UBAC2: variants seen among roughly 807,000 people sequenced by gnomAD.
The protein encoded by UBAC2 is UBA domain containing 2.
A neutral mutation model predicts 44.0 loss-of-function variants in UBAC2; 26 were observed. The observed-to-expected ratio is 0.59, with a 90% CI of 0.43 to 0.82. The LOEUF (loss-of-function observed/expected upper bound fraction) is 0.82. Among genes scored for constraint, UBAC2 ranks in the 40% least tolerant of loss-of-function variants. The pLI, the probability that UBAC2 is intolerant of heterozygous loss-of-function variation, is 0.00. For missense variants in UBAC2, 329 were observed against 419.4 expected, an observed-to-expected ratio of 0.78 and a Z score of 1.88; for synonymous variants, 155 against 154.3, an observed-to-expected ratio of 1.00 and a Z score of -0.04.
chr13:99,208,674 C>T (rs1301192160), intron 1 of UBAC2, among the ~76,000 whole-genome samples: 1 of 152,212 alleles, frequency 6.6e-6, no homozygotes, highest in East Asian at 1.9e-4. Flanking sequence ...GTGCGTTCGG[C>T]TCCTCTCTGT....
chr13:99,380,721 CTA>C (rs2045539988), intron 8 of UBAC2, among the ~76,000 whole-genome samples: 1 of 152,212 alleles, frequency 6.6e-6, no homozygotes, highest in Non-Finnish European at 1.5e-5. Flanking sequence ...GTTTTGGACA[CTA>C]TGGGAAACCT....
At chr13:99,225,437 A>G (rs113235552) in intron 1 of UBAC2, among the ~76,000 whole-genome samples, 218 of 152,332 alleles carry the variant, frequency 1.4e-3, no homozygotes, top group Non-Finnish European at 2.4e-3. Flanking sequence ...CTTATTTCAC[A>G]TAGCATAATG....
chr13:99,323,702 A>G (rs143087060), intron 6 of UBAC2, among the ~76,000 whole-genome samples: 123 of 152,138 alleles, frequency 8.1e-4, no homozygotes, highest in African/African-American at 2.6e-3. Context: ...TCTCTATGCT[A>G]CCTTTCCCAC....
At chr13:99,277,125 C>T (rs1164654942) in intron 4 of UBAC2, among the ~76,000 whole-genome samples, 2 of 152,092 alleles carry the variant, frequency 1.3e-5, no homozygotes, top group Non-Finnish European at 2.9e-5. Context: ...TACTCTTCAT[C>T]TTTGTGGGCT....
At chr13:99,379,295 T>G (rs1408842518) in intron 8 of UBAC2, among the ~76,000 whole-genome samples, 21 of 152,242 alleles carry the variant, frequency 1.4e-4, no homozygotes. Context: ...AGTTGTGTCT[T>G]TCTGGAGCAA....
At chr13:99,349,106 C>T (rs541777534) in intron 7 of UBAC2, among the ~76,000 whole-genome samples, 1 of 152,348 alleles carries the variant, frequency 6.6e-6, no homozygotes, top group Admixed American at 6.5e-5. Flanking sequence ...GCAGGCTTTG[C>T]AGAGCCTCCT....
At chr13:99,307,086 C>T (rs2044347355) in intron 4 of UBAC2, among the ~76,000 whole-genome samples, 1 of 152,052 alleles carries the variant, frequency 6.6e-6, no homozygotes, top group Non-Finnish European at 1.5e-5. Context: ...TACAGTAGTA[C>T]ATGAAGTGAG....
At chr13:99,268,576 C>G (rs1367445331) in intron 4 of UBAC2, among the ~76,000 whole-genome samples, 1 of 131,314 alleles carries the variant, frequency 7.6e-6, no homozygotes, top group African/African-American at 3.1e-5. Flanking sequence ...TCACTGCACT[C>G]CATTCAGCCT....
intron 7 of UBAC2, among the ~76,000 whole-genome samples, chr13:99,362,164 ATTTG>A (rs1161519726): frequency 5.9e-5 from 9 of 152,172 alleles, no homozygotes; most frequent in Admixed American, 5.2e-4. Flanking sequence ...GTACAACTTT[ATTTG>A]TTCATTAAAC....
intron 1 of UBAC2, among the ~76,000 whole-genome samples, chr13:99,206,208 A>G (rs1182962454): frequency 6.6e-6 from 1 of 152,164 alleles, no homozygotes; most frequent in East Asian, 1.9e-4. Flanking sequence ...GGGGAAAGAA[A>G]TCCAGAGCTG....
chr13:99,309,873 A>G (rs1169397635), intron 4 of UBAC2, among the ~76,000 whole-genome samples: 1 of 152,192 alleles, frequency 6.6e-6, no homozygotes, highest in African/African-American at 2.4e-5. Context: ...TGGCTTCCCA[A>G]AGTGCTGGGA....
At chr13:99,309,818 C>A (rs1263037797) in intron 4 of UBAC2, among the ~76,000 whole-genome samples, 1 of 151,982 alleles carries the variant, frequency 6.6e-6, no homozygotes, top group African/African-American at 2.4e-5. Context: ...CATTATGTTG[C>A]CCAGGCTGGT....
chr13:99,385,653 C>T lies in UBAC2; in HGVS notation c.*318C>T. ...TTCTGCAGGCAGTTGAATGGCACTCCAGATGGGGAATTGCTGTAACCCTCT... is the reference window on the plus strand; with the variant it reads ...TTCTGCAGGCAGTTGAATGGCACTCTAGATGGGGAATTGCTGTAACCCTCT... On this transcript the variant is annotated 3_prime_UTR_variant, in exon 9 of 9. Transcript: ENST00000403766. The T allele has an allele frequency of 3.2e-6, 1 of 310,996 alleles. No individual in the cohort carries two copies. The highest frequency in any genetic ancestry group is 6.1e-6 in the Non-Finnish European group (1 of 162,800). The allele number at this position is 310,996 out of a possible 1,614,324, so 19.3% of individuals were successfully genotyped here.
At chr13:99,247,556 G>A (rs889176687) in intron 4 of UBAC2, among the ~76,000 whole-genome samples, 1 of 152,058 alleles carries the variant, frequency 6.6e-6, no homozygotes, top group African/African-American at 2.4e-5. Flanking sequence ...TGGACACAGG[G>A]AGGGGAACGT....
At chr13:99,234,171 C>CTTTT (rs773370310) in intron 1 of UBAC2, among the ~76,000 whole-genome samples, 8 of 61,714 alleles carry the variant, frequency 1.3e-4, no homozygotes, top group East Asian at 1.1e-3. Context: ...CTAGCCGTTT[C>CTTTT]TTTTTTTTTT....
At chr13:99,307,200 A>G (rs1428059446) in intron 4 of UBAC2, 1 of 152,208 alleles carries the variant, frequency 6.6e-6, no homozygotes, top group Non-Finnish European at 1.5e-5. Context: ...AACTTACATT[A>G]TTAATATAAT....
At chr13:99,253,397 G>A (rs1351084692) in intron 4 of UBAC2, among the ~76,000 whole-genome samples, 1 of 151,938 alleles carries the variant, frequency 6.6e-6, no homozygotes. Context: ...CAGAAGAATT[G>A]TACTAAGAAG....
chr13:99,328,407 GA>G (rs2044669740), intron 6 of UBAC2, among the ~76,000 whole-genome samples: 1 of 152,320 alleles, frequency 6.6e-6, no homozygotes, highest in South Asian at 2.1e-4. Flanking sequence ...TTGACATTAG[GA>G]AATACTACCA....
intron 4 of UBAC2, among the ~76,000 whole-genome samples, chr13:99,299,648 C>T (rs2044228467): frequency 6.6e-6 from 1 of 151,960 alleles, no homozygotes; most frequent in Admixed American, 6.5e-5. Context: ...TTTTAGTTCC[C>T]CTTTTCTTGT....
Sources: allele counts gnomAD v4.1 joint callset (sites outside exome capture counted in the v4.1 genomes callset), GRCh38; gene constraint gnomAD v4.1.1; transcripts MANE v1.5; gene names NCBI Gene and HGNC (gene_info 2026-07-23, HGNC 2026-07-21).